Variants in WASHC4 observed in about 807,000 individuals in gnomAD.
WASHC4 encodes the protein WASH complex subunit 7.
Under a neutral mutation model 166.6 loss-of-function variants are expected in WASHC4, and 86 were observed. The observed-to-expected ratio is 0.52, with a 90% CI of 0.43 to 0.62. The LOEUF is 0.62. Ranked by LOEUF, WASHC4 falls within the 20% of genes least tolerant of loss-of-function variation. The probability of loss-of-function intolerance (pLI) is 0.00; values close to 1 mark genes in which losing one functional copy is unlikely to be tolerated. For synonymous variants in WASHC4, 446 were observed against 451.6 expected (o/e 0.99, Z 0.16); for missense variants, 1,262 against 1,382.4 (o/e 0.91, Z 1.38).
At chr12:105,130,383 A>C (rs761915003) in intron 13 of WASHC4, among the ~76,000 whole-genome samples, 2 of 152,230 alleles carry the variant, frequency 1.3e-5, no homozygotes, top group African/African-American at 4.8e-5. Context: ...GATCTGTGGG[A>C]AGTGAGTCTT....
chr12:105,160,200 C>A, intron 29 of WASHC4, 52 bp downstream of exon 29: 1 of 1,448,448 alleles, frequency 6.9e-7, no homozygotes, highest in Non-Finnish European at 9.7e-7. Flanking sequence ...AGAGTATGCA[C>A]AAATAGATCT....
At chr12:105,122,066 A>G (rs1880801679) in intron 9 of WASHC4, 52 bp from the exon 10 acceptor site, 2 of 1,356,428 alleles carry the variant, frequency 1.5e-6, no homozygotes, top group Admixed American at 2.1e-5. Context: ...TTAATTTTTA[A>G]TTTAAGAATT....
At chr12:105,148,176 A>G in intron 24 of WASHC4, 2 of 985,324 alleles carry the variant, frequency 2.0e-6, no homozygotes, top group Non-Finnish European at 2.4e-6. Flanking sequence ...ATTTTGAGCC[A>G]ATGAGTGATA....
chr12:105,156,336 A>T (rs1467007498), intron 26 of WASHC4, among the ~76,000 whole-genome samples: 1 of 152,180 alleles, frequency 6.6e-6, no homozygotes, highest in Non-Finnish European at 1.5e-5. Flanking sequence ...TAAATTTGGG[A>T]GGCATCAAAT....
At chr12:105,139,549 ATAAAT>A (rs1882638742) in intron 15 of WASHC4, among the ~76,000 whole-genome samples, 1 of 150,670 alleles carries the variant, frequency 6.6e-6, no homozygotes, top group Non-Finnish European at 1.5e-5. Flanking sequence ...ATTTTTTAAA[ATAAAT>A]TAGTGGGTAT....
chr12:105,128,113 C>A (rs1053691297), intron 13 of WASHC4, among the ~76,000 whole-genome samples: 1 of 152,108 alleles, frequency 6.6e-6, no homozygotes, highest in South Asian at 2.1e-4. Context: ...GGGATACTTA[C>A]CTACTTTCTG....
rs762904101 is a variant in WASHC4, at chr12:105,149,728, TAAG to T, written c.2629_2631del (p.Lys877del). 5 of 1,595,482 alleles carry T rather than the reference TAAG, an allele frequency of 3.1e-6. No homozygotes were observed. Among genetic ancestry groups the T allele is most frequent in the Non-Finnish European group, 4.3e-6 (5 of 1,165,236 alleles). On this transcript the variant is annotated inframe_deletion, in exon 25 of 33. Coordinates refer to ENST00000332180, the MANE Select transcript of WASHC4 (RefSeq NM_015275.3). ...AAGATATTCGATTTTTCAGGGAAAT[TAAG>T]GACCAAAATGATCATAAGGTAGGCT...
chr12:105,109,887 C>T (rs1879494991), intron 1 of WASHC4, among the ~76,000 whole-genome samples: 1 of 152,090 alleles, frequency 6.6e-6, no homozygotes, highest in African/African-American at 2.4e-5. Context: ...TGGGGTGAGC[C>T]ACCATGCCCG....
intron 6 of WASHC4, 149 bp from the exon 7 acceptor site, chr12:105,118,297 G>T: frequency 1.4e-6 from 1 of 700,306 alleles, no homozygotes. Context: ...ATTGCTTGAG[G>T]GATGCTTGAA....
intron 29 of WASHC4, among the ~76,000 whole-genome samples, chr12:105,160,509 A>G (rs946268482): frequency 6.6e-6 from 1 of 151,782 alleles, no homozygotes; most frequent in African/African-American, 2.4e-5. Context: ...ACCATGCCTA[A>G]TTTTGGTAAT....
At chr12:105,142,892 AGT>A (rs1312331252) in intron 19 of WASHC4, among the ~76,000 whole-genome samples, 2 of 152,090 alleles carry the variant, frequency 1.3e-5, no homozygotes, top group Non-Finnish European at 2.9e-5. Flanking sequence ...TATGGAAATA[AGT>A]GTGTTTAAAT....
chr12:105,115,521 TTGG>T, intron 5 of WASHC4, 137 bp from the exon 6 acceptor site: 1 of 678,430 alleles, frequency 1.5e-6, no homozygotes, highest in Non-Finnish European at 2.6e-6. Flanking sequence ...ATTTTTCTCT[TTGG>T]TGTAAAAATT....
Position 105,107,740 on chromosome 12 carries a change from G to T in WASHC4, c.-61G>T. On this transcript the variant is annotated 5_prime_UTR_variant, in exon 1 of 33. Coordinates refer to ENST00000332180, the MANE Select transcript of WASHC4 (RefSeq NM_015275.3). ...AGTCACGTGCTGTGACAGTAGCTGG[G>T]GTGAGGCCGTCGTCGCCGCACGGGC... 8.0e-7 allele frequency: 1 copy of T among 1,251,790 alleles called. No individual in the cohort carries two copies. Among genetic ancestry groups the T allele is most frequent in the South Asian group, 1.3e-5 (1 of 77,066 alleles). The allele number at this position is 1,251,790 out of a possible 1,614,324, so 77.5% of individuals were successfully genotyped here.
At chr12:105,144,196 A>G (rs1037721993) in intron 20 of WASHC4, 91 bp from the exon 21 acceptor site, 11 of 1,070,220 alleles carry the variant, frequency 1.0e-5, no homozygotes, top group Admixed American at 4.5e-5. Flanking sequence ...CCAAAAAACT[A>G]TTGGTTTAAA....
chr12:105,166,828 A>G (rs1566034881), intron 32 of WASHC4, 36 bp from the exon 33 acceptor site: 2 of 1,402,662 alleles, frequency 1.4e-6, no homozygotes, highest in Non-Finnish European at 1.0e-6. Context: ...AAAAATGAAC[A>G]TAAATATCCA....
At chr12:105,164,003 C>A in intron 30 of WASHC4, 108 bp from the exon 31 acceptor site, 1 of 996,182 alleles carries the variant, frequency 1.0e-6, no homozygotes, top group Non-Finnish European at 1.5e-6. Context: ...ACTTAAAATG[C>A]TAGGAATTAT....
In WASHC4 at chr12:105,146,484, T is replaced by C; in HGVS notation, c.2367T>C (p.Ile789=). Residue 789 remains isoleucine (I), a synonymous_variant, in exon 23 of 33, where the codon ATT becomes ATC. Coordinates refer to ENST00000332180, the MANE Select transcript of WASHC4 (RefSeq NM_015275.3). ...GLDVLEIMRN[I]HIFVSRYLYN... is the part of the protein sequence containing the mutation. The stretch of plus-strand genomic sequence containing the variant: ...ATGTTTTAGAAATTATGAGAAACAT[T>C]CATATATTTGTGTCCCGATACCTCT... 2 of 1,601,012 alleles carry C rather than the reference T, an allele frequency of 1.2e-6. No individual in the cohort carries two copies. Among genetic ancestry groups the C allele is most frequent in the Non-Finnish European group, 1.7e-6 (2 of 1,168,456 alleles).
intron 29 of WASHC4, among the ~76,000 whole-genome samples, chr12:105,162,367 T>C (rs768770771): frequency 2.6e-5 from 4 of 152,232 alleles, no homozygotes; most frequent in Non-Finnish European, 5.9e-5. Context: ...CAGGCCTACT[T>C]TGCTAACTCC....
chr12:105,164,613 T>C, intron 31 of WASHC4, 28 bp from the exon 32 acceptor site: 2 of 1,540,410 alleles, frequency 1.3e-6, no homozygotes, highest in Non-Finnish European at 1.8e-6. Flanking sequence ...ATTTTTGGTT[T>C]TTATTTCAAA....
Sources: gnomAD v4.1 joint callset for allele counts (sites outside exome capture counted in the v4.1 genomes callset) on GRCh38, gnomAD v4.1.1 for gene constraint, MANE v1.5 for transcripts, NCBI Gene and HGNC (gene_info 2026-07-23, HGNC 2026-07-21) for gene names.